The following CGNL1 variants were observed in gnomAD, a reference collection of about 807,000 sequenced individuals.
The protein encoded by CGNL1 is cingulin-like protein 1.
Under a neutral mutation model 141.2 loss-of-function variants are expected in CGNL1, and 132 were observed. The ratio of observed to expected loss-of-function variants is 0.93; its 90% CI spans 0.81 to 1.08. The LOEUF (loss-of-function observed/expected upper bound fraction) is 1.08. Ranked by LOEUF, CGNL1 falls within the 50% of genes least tolerant of loss-of-function variation. CGNL1 has a pLI of 0.00. For missense variants in CGNL1, 1,870 were observed against 1,588.6 expected (o/e 1.18, Z -3.01); for synonymous variants, 690 against 622.1 (o/e 1.11, Z -1.63).
rs749674432 is a variant in CGNL1 at position 57,418,798 on chromosome 15, G to A, written c.-15-19187G>A. Among the ~76,000 whole-genome samples, 17 of 152,174 alleles carry A rather than the reference G, an allele frequency of 1.1e-4. No homozygotes were observed. The East Asian group carries it at 3.1e-3, about 28-fold the overall frequency. On this transcript the variant is annotated intron_variant, in intron 1 of 18. Coordinates refer to ENST00000281282, the MANE Select transcript of CGNL1 (RefSeq NM_032866.5). ...TGAGACCTGACCAGCATGTGTGCCC[G>A]GTGACCTATTGAATGATGTGAGTTT...
chr15:57,542,991 A>G (rs1046736833), intron 14 of CGNL1, among the ~76,000 whole-genome samples: 15 of 152,092 alleles, frequency 9.9e-5, no homozygotes, highest in Admixed American at 3.9e-4. Flanking sequence ...AGGTGTGCCA[A>G]TTTTCTAGGG....
rs773580516 is a variant in CGNL1, at chr15:57,438,183, C to T, written c.184C>T (p.Arg62Trp). Residue 62 changes from arginine to tryptophan, a missense_variant, in exon 2 of 19, where the codon CGG becomes TGG. Coordinates refer to ENST00000281282, the MANE Select transcript of CGNL1 (RefSeq NM_032866.5). Reference protein sequence around the residue: ...HPYIVLNNTERCLAGTSFSEN... With the variant: ...HPYIVLNNTEWCLAGTSFSEN... The stretch of plus-strand genomic sequence containing the variant: ...CTATATTGTCCTGAATAACACAGAA[C>T]GGTGCCTAGCAGGCACATCGTTTTC... 7 of 1,614,074 alleles carry T rather than the reference C, an allele frequency of 4.3e-6. No individual in the cohort carries two copies. Among genetic ancestry groups the T allele is most frequent in the Admixed American group, 3.3e-5 (2 of 60,028 alleles).
At chr15:57,488,939 A>G (rs566518667) in intron 8 of CGNL1, among the ~76,000 whole-genome samples, 1 of 152,326 alleles carries the variant, frequency 6.6e-6, no homozygotes, top group Non-Finnish European at 1.5e-5. Context: ...CCAGGTTGAA[A>G]TTGAAGCAGT....
intron 4 of CGNL1, among the ~76,000 whole-genome samples, chr15:57,443,701 A>G (rs1290533359): frequency 6.6e-6 from 1 of 152,234 alleles, no homozygotes; most frequent in Non-Finnish European, 1.5e-5. Flanking sequence ...TAGTCCTTGC[A>G]TATACATAGC....
chr15:57,390,316 CT>C (rs1345588004), intron 1 of CGNL1, among the ~76,000 whole-genome samples: 2 of 152,172 alleles, frequency 1.3e-5, no homozygotes, highest in Non-Finnish European at 2.9e-5. Flanking sequence ...GCCAGCTTGC[CT>C]TGGGCAGATT....
intron 1 of CGNL1, among the ~76,000 whole-genome samples, chr15:57,426,294 A>G (rs186984476): frequency 7.6e-4 from 115 of 152,000 alleles, no homozygotes; most frequent in African/African-American, 2.7e-3. Context: ...ACAGGTGCAC[A>G]CTGCTATGCC....
intron 6 of CGNL1, among the ~76,000 whole-genome samples, chr15:57,452,683 C>T (rs1398833518): frequency 1.4e-5 from 2 of 139,706 alleles, no homozygotes; most frequent in Non-Finnish European, 3.2e-5. Flanking sequence ...ATTTTATCCT[C>T]GATGGTGCTG....
At chr15:57,427,713 C>T (rs754643639) in intron 1 of CGNL1, among the ~76,000 whole-genome samples, 2 of 152,204 alleles carry the variant, frequency 1.3e-5, no homozygotes, top group Non-Finnish European at 2.9e-5. Context: ...CAGACATCTG[C>T]GAGGATGTTC....
At chr15:57,538,430 A>G (rs2140216086) in intron 14 of CGNL1, among the ~76,000 whole-genome samples, 1 of 152,190 alleles carries the variant, frequency 6.6e-6, no homozygotes, top group South Asian at 2.1e-4. Flanking sequence ...TTTAATAGCC[A>G]TCTTTTAAGG....
chr15:57,453,165 C>T (rs1360423646), intron 6 of CGNL1, among the ~76,000 whole-genome samples: 1 of 152,080 alleles, frequency 6.6e-6, no homozygotes, highest in Admixed American at 6.5e-5. Context: ...GTCTGTTGCA[C>T]ATACTCAGCT....
At chr15:57,404,835 A>G (rs541208313) in intron 1 of CGNL1, among the ~76,000 whole-genome samples, 97 of 152,310 alleles carry the variant, frequency 6.4e-4, no homozygotes, top group Non-Finnish European at 1.2e-3. Flanking sequence ...AATCAAGTTC[A>G]TGTGGAATTG....
In CGNL1 at chr15:57,439,436, T is replaced by A; in HGVS notation, c.1437T>A (p.Ser479Arg). Residue 479 changes from serine (S) to arginine (R), a missense_variant, in exon 2 of 19, where the codon AGT becomes AGA. Ser to Arg is a moderately radical substitution (Grantham distance 110). Transcript: ENST00000281282. ...KVLETEGSQE[S>R]TVIRAPSLGA... ...TGGAAACCGAAGGTAGTCAGGAAAG[T>A]ACAGTGATCCGTGCGCCCTCCCTTG... 2 of 1,614,136 alleles carry A rather than the reference T, an allele frequency of 1.2e-6. No individual in the cohort carries two copies. Among genetic ancestry groups the A allele is most frequent in the Non-Finnish European group, 1.7e-6 (2 of 1,180,024 alleles).
chr15:57,481,305 A>C (rs1451790660), intron 8 of CGNL1, among the ~76,000 whole-genome samples: 1 of 152,082 alleles, frequency 6.6e-6, no homozygotes, highest in Non-Finnish European at 1.5e-5. Flanking sequence ...CACTCCCCGC[A>C]TTCTTCATGT....
chr15:57,520,234 G>A (rs148282600), intron 10 of CGNL1, among the ~76,000 whole-genome samples: 44 of 152,268 alleles, frequency 2.9e-4, no homozygotes, highest in African/African-American at 8.4e-4. Flanking sequence ...AAGCACCATC[G>A]CTCTGAAATA....
Position 57,451,577 on chromosome 15 carries a change from G to T in CGNL1, c.1881G>T (p.Gln627His), listed in dbSNP as rs1261055212. The change falls in exon 5 of 19, where the codon CAG (glutamine) becomes CAT (histidine). Residue 627 changes from glutamine to histidine, a missense_variant. By Grantham distance (24) the Gln-to-His change is conservative. Coordinates refer to ENST00000281282, the MANE Select transcript of CGNL1 (RefSeq NM_032866.5). ...TGACCATAGAAGTGGCTGAACTTCA[G>T]AGACAGCTTCAACTGGAAGTCAAGG... is the stretch of plus-strand genomic sequence containing the variant. ...SKLTIEVAELQRQLQLEVKNQ... is the reference protein window; with the variant it reads ...SKLTIEVAELHRQLQLEVKNQ... The T allele has an allele frequency of 3.7e-6, 6 of 1,610,168 alleles. No homozygotes were observed. The highest frequency in any genetic ancestry group is 5.1e-6 in the Non-Finnish European group (6 of 1,177,694).
intron 1 of CGNL1, among the ~76,000 whole-genome samples, chr15:57,398,745 C>T (rs2062628994): frequency 2.0e-5 from 3 of 152,176 alleles, no homozygotes; most frequent in African/African-American, 4.8e-5. Context: ...ATTGTTTTAA[C>T]CCACTTGAAG....
intron 1 of CGNL1, among the ~76,000 whole-genome samples, chr15:57,402,935 T>C (rs757864456): frequency 1.3e-5 from 2 of 152,144 alleles, no homozygotes; most frequent in Admixed American, 6.6e-5. Flanking sequence ...GCAGAAGACA[T>C]TGGAGATTCT....
At chr15:57,502,347 T>C (rs2064036968) in intron 8 of CGNL1, among the ~76,000 whole-genome samples, 1 of 152,162 alleles carries the variant, frequency 6.6e-6, no homozygotes, top group Non-Finnish European at 1.5e-5. Flanking sequence ...GAAAGGCTTG[T>C]TTTGAGAGGC....
At chr15:57,395,695 C>T (rs768904184) in intron 1 of CGNL1, among the ~76,000 whole-genome samples, 3 of 152,218 alleles carry the variant, frequency 2.0e-5, no homozygotes, top group South Asian at 2.1e-4. Context: ...ACGTTAAGCA[C>T]GCTATGTGCA....
Sources: allele counts gnomAD v4.1 joint callset (sites outside exome capture counted in the v4.1 genomes callset), GRCh38; gene constraint gnomAD v4.1.1; transcripts MANE v1.5; gene names NCBI Gene and HGNC (gene_info 2026-07-23, HGNC 2026-07-21).